The following ADAMTSL3 variants were observed in gnomAD, a reference collection of about 807,000 sequenced individuals.
The protein encoded by ADAMTSL3 is ADAMTS like 3, also known as ADAMTS-like protein 3.
A neutral mutation model predicts 201.7 loss-of-function variants in ADAMTSL3; 128 were observed. The observed-to-expected ratio is 0.63, with a 90% confidence interval of 0.55 to 0.73. The LOEUF is 0.73. ADAMTSL3 is among the 30% of genes least tolerant of loss of function. ADAMTSL3 has a pLI of 0.00. For missense variants in ADAMTSL3, 1,990 were observed against 2,119.6 expected (o/e 0.94, Z 1.20); for synonymous variants, 738 against 748.4 (o/e 0.99, Z 0.23).
intron 2 of ADAMTSL3, among the ~76,000 whole-genome samples, chr15:83,675,856 A>G (rs1019315503): frequency 6.6e-6 from 1 of 152,038 alleles, no homozygotes; most frequent in Non-Finnish European, 1.5e-5. Context: ...GGTCTATTTC[A>G]AATTGTTGAA....
At chr15:83,902,259 G>A (rs910677253) in intron 15 of ADAMTSL3, among the ~76,000 whole-genome samples, 1 of 152,056 alleles carries the variant, frequency 6.6e-6, no homozygotes, top group Non-Finnish European at 1.5e-5. Flanking sequence ...TATCTAGGTA[G>A]GGCACAAGTC....
chr15:83,961,971 C>T (rs1314701735), intron 19 of ADAMTSL3, among the ~76,000 whole-genome samples: 1 of 152,066 alleles, frequency 6.6e-6, no homozygotes, highest in East Asian at 1.9e-4. Flanking sequence ...GGCTGTGTCC[C>T]CACCCAAATC....
intron 4 of ADAMTSL3, among the ~76,000 whole-genome samples, chr15:83,803,040 T>C (rs1047760540): frequency 2.6e-5 from 4 of 152,222 alleles, no homozygotes; most frequent in African/African-American, 9.6e-5. Flanking sequence ...TATAATGGAC[T>C]ATGATGTAAT....
chr15:84,010,227 A>G (rs2067982960), intron 23 of ADAMTSL3, among the ~76,000 whole-genome samples: 1 of 152,184 alleles, frequency 6.6e-6, no homozygotes, highest in Admixed American at 6.5e-5. Context: ...ATTTGAAGGA[A>G]TTTCTGAAAT....
At chr15:84,023,449 C>A (rs1339435307) in intron 26 of ADAMTSL3, among the ~76,000 whole-genome samples, 1 of 152,002 alleles carries the variant, frequency 6.6e-6, no homozygotes, top group Non-Finnish European at 1.5e-5. Flanking sequence ...CAGTGTAAAG[C>A]AAAATAGGTT....
At chr15:83,880,601 CT>C (rs1452820330) in intron 9 of ADAMTSL3, among the ~76,000 whole-genome samples, 1 of 152,314 alleles carries the variant, frequency 6.6e-6, no homozygotes, top group African/African-American at 2.4e-5. Flanking sequence ...ATTATTGCAT[CT>C]TTTATTCCTA....
At chr15:83,750,842 G>A (rs150941191) in intron 3 of ADAMTSL3, among the ~76,000 whole-genome samples, 286 of 152,258 alleles carry the variant, frequency 1.9e-3, no homozygotes, top group East Asian at 0.011. Context: ...GAGCCACTGC[G>A]CCCGGCTGGG....
intron 19 of ADAMTSL3, among the ~76,000 whole-genome samples, chr15:83,966,266 G>T (rs764813753): frequency 1.3e-5 from 2 of 151,896 alleles, no homozygotes; most frequent in Admixed American, 1.3e-4. Flanking sequence ...GAAAAGATTC[G>T]CAAAATACAT....
intron 3 of ADAMTSL3, among the ~76,000 whole-genome samples, chr15:83,770,281 G>A (rs1008738768): frequency 6.6e-6 from 1 of 152,138 alleles, no homozygotes; most frequent in Admixed American, 6.5e-5. Flanking sequence ...AGTTCAAATA[G>A]TAATAAAACT....
rs1027043015 is a variant in ADAMTSL3, at chr15:83,970,738, G to A, written c.2644+101G>A. 1.5e-5 allele frequency: 21 copies of A among 1,426,198 alleles called. No homozygotes were observed. The African/African-American group carries it at 2.8e-4, about 19-fold the overall frequency. 88.3% of individuals were successfully genotyped at this position (1,426,198 alleles called of 1,614,324 possible). A position where few individuals can be genotyped will look rare whatever the true frequency, so the allele number is the denominator to read the frequency against. On this transcript the variant is annotated intron_variant, in intron 20 of 29. Transcript: ENST00000286744. ...ACGTCAACAGATTTCTAATCTGTGG[G>A]TAAGGCAACTCAAGCTGTACTCAGT...
intron 15 of ADAMTSL3, among the ~76,000 whole-genome samples, chr15:83,903,393 C>A (rs144244671): frequency 6.6e-6 from 1 of 152,070 alleles, no homozygotes; most frequent in African/African-American, 2.4e-5. Context: ...TCATCACCCC[C>A]CAACATAAGC....
At chr15:83,657,218 C>T (rs35163979) in intron 2 of ADAMTSL3, among the ~76,000 whole-genome samples, 30,821 of 82,724 alleles carry the variant, frequency 0.37, 4,078 homozygotes, top group Admixed American at 0.47. Flanking sequence ...CTTCAAGGCA[C>T]AGTGTTCATT....
rs1341863380 is a variant in ADAMTSL3 at position 83,678,739 on chromosome 15, A to AATATATATATTATATATATATTGTGT, written c.69+22919_69+22944dup. Among the ~76,000 whole-genome samples the AATATATATATTATATATATATTGTGT allele has an allele frequency of 9.9e-3, 1,431 of 144,334 alleles. 19 individuals are homozygous for AATATATATATTATATATATATTGTGT. The highest frequency in any genetic ancestry group is 0.016 in the Non-Finnish European group (1,041 of 66,416). 94.7% of individuals were successfully genotyped at this position (144,334 alleles called of 152,430 possible). A position where few individuals can be genotyped will look rare whatever the true frequency, so the allele number is the denominator to read the frequency against. On this transcript the variant is annotated intron_variant, in intron 2 of 29. Transcript: ENST00000286744. ...ATTTTAGGCAATATATATATTGCCTAATATATATATTATATATATATTGTG... is the reference window on the plus strand; with the variant it reads ...ATTTTAGGCAATATATATATTGCCTAATATATATATTATATATATATTGTGTATATATATATTATATATATATTGTG...
chr15:83,800,706 C>T (rs2063502730), intron 4 of ADAMTSL3, among the ~76,000 whole-genome samples: 1 of 151,982 alleles, frequency 6.6e-6, no homozygotes, highest in Non-Finnish European at 1.5e-5. Context: ...TTTTTTTTAA[C>T]CTGTGACTCT....
chr15:84,005,364 T>C (rs2067875162), intron 23 of ADAMTSL3, among the ~76,000 whole-genome samples: 1 of 152,252 alleles, frequency 6.6e-6, no homozygotes, highest in Non-Finnish European at 1.5e-5. Flanking sequence ...GGAATGTCCA[T>C]GGTTCTCCCT....
chr15:83,820,568 C>T (rs4486845), intron 6 of ADAMTSL3, among the ~76,000 whole-genome samples: 21,525 of 152,140 alleles, frequency 0.14, 2,001 homozygotes, highest in Middle Eastern at 0.33. Flanking sequence ...CTTTGAGAAC[C>T]GCTGTTTTGG....
chr15:83,712,033 G>C (rs926837314), intron 3 of ADAMTSL3, among the ~76,000 whole-genome samples: 2 of 152,128 alleles, frequency 1.3e-5, no homozygotes, highest in Admixed American at 1.3e-4. Context: ...CAGGGCCCTT[G>C]CTGCTTACCG....
chr15:84,005,141 A>G (rs2067871233), intron 23 of ADAMTSL3, among the ~76,000 whole-genome samples: 1 of 152,220 alleles, frequency 6.6e-6, no homozygotes, highest in African/African-American at 2.4e-5. Context: ...CTGGGGAATC[A>G]ACACGGCCTT....
chr15:83,872,841 C>T (rs1281342991), intron 9 of ADAMTSL3, among the ~76,000 whole-genome samples: 10 of 144,918 alleles, frequency 6.9e-5, no homozygotes, highest in Admixed American at 1.4e-4. Context: ...TAAAAACACA[C>T]ATAAGCTGCA....
Sources: allele counts gnomAD v4.1 joint callset (sites outside exome capture counted in the v4.1 genomes callset), GRCh38; gene constraint gnomAD v4.1.1; transcripts MANE v1.5; gene names NCBI Gene and HGNC (gene_info 2026-07-23, HGNC 2026-07-21).